The following GAS7 variants were observed in gnomAD, a reference collection of about 807,000 sequenced individuals.
GAS7 encodes the protein growth arrest specific 7, also known as growth arrest-specific protein 7.
GAS7 carries 28 observed loss-of-function variants against 71.1 expected under a neutral mutation model. The observed-to-expected ratio is 0.39, with a 90% CI of 0.29 to 0.54. The LOEUF (loss-of-function observed/expected upper bound fraction) is 0.54. GAS7 is among the 20% of genes least tolerant of loss of function. The probability of loss-of-function intolerance (pLI) is 0.62; values close to 1 mark genes in which losing one functional copy is unlikely to be tolerated. For synonymous variants in GAS7, 258 were observed against 245.8 expected, an observed-to-expected ratio of 1.05 and a Z score of -0.46; for missense variants, 436 against 627.8, an observed-to-expected ratio of 0.69 and a Z score of 3.27.
At chr17:10,072,689 C>A (rs1186768630) in intron 1 of GAS7, among the ~76,000 whole-genome samples, 1 of 152,190 alleles carries the variant, frequency 6.6e-6, no homozygotes, top group Admixed American at 6.5e-5. Context: ...CTACCCCGAT[C>A]CACAGGAGTC....
At chr17:10,027,252 A>ATGAATGAG (rs1239858203) in intron 1 of GAS7, among the ~76,000 whole-genome samples, 1 of 149,300 alleles carries the variant, frequency 6.7e-6, no homozygotes, top group Non-Finnish European at 1.5e-5. Context: ...GAATGAATGA[A>ATGAATGAG]TGAATGAGTG....
chr17:10,167,412 T>C (rs1181901617), intron 1 of GAS7, among the ~76,000 whole-genome samples: 1 of 152,118 alleles, frequency 6.6e-6, no homozygotes, highest in Non-Finnish European at 1.5e-5. Context: ...TTCTCATAGC[T>C]AGAGTAGGAC....
intron 2 of GAS7, among the ~76,000 whole-genome samples, chr17:9,999,383 T>C (rs1361696992): frequency 6.6e-6 from 1 of 152,018 alleles, no homozygotes; most frequent in Non-Finnish European, 1.5e-5. Flanking sequence ...CTGGGTGTGG[T>C]GGTGCATGCC....
chr17:10,075,792 C>T (rs1462863599), intron 1 of GAS7, among the ~76,000 whole-genome samples: 7 of 146,816 alleles, frequency 4.8e-5, no homozygotes, highest in African/African-American at 1.8e-4. Context: ...GAGACCTTAT[C>T]TCAGTTTTAA....
At chr17:10,149,125 C>CA (rs1567610899) in intron 1 of GAS7, among the ~76,000 whole-genome samples, 1 of 152,046 alleles carries the variant, frequency 6.6e-6, no homozygotes, top group African/African-American at 2.4e-5. Context: ...TATTTTGAAA[C>CA]AGAGTCTTGC....
intron 1 of GAS7, among the ~76,000 whole-genome samples, chr17:10,173,605 A>G (rs2074351078): frequency 6.6e-6 from 1 of 152,064 alleles, no homozygotes; most frequent in African/African-American, 2.4e-5. Context: ...CGTCTCTACT[A>G]AAAATACAAA....
chr17:9,982,812 A>G (rs996459014), intron 2 of GAS7, among the ~76,000 whole-genome samples: 51 of 52,952 alleles, frequency 9.6e-4, no homozygotes, highest in African/African-American at 6.9e-3. Flanking sequence ...GAAAGGAAAG[A>G]AAGGAAAGAA....
chr17:10,147,342 G>A (rs557998433), intron 1 of GAS7, among the ~76,000 whole-genome samples: 60 of 152,276 alleles, frequency 3.9e-4, no homozygotes, highest in African/African-American at 1.2e-3. Context: ...AGAGGGTGGC[G>A]TGTATGTGTC....
intron 1 of GAS7, among the ~76,000 whole-genome samples, chr17:10,081,629 C>A (rs906971881): frequency 5.3e-5 from 8 of 152,072 alleles, no homozygotes; most frequent in Non-Finnish European, 1.2e-4. Context: ...GCACAGGAAA[C>A]CCACAAGAGA....
chr17:10,030,947 C>T (rs1478975222), intron 1 of GAS7, among the ~76,000 whole-genome samples: 4 of 152,204 alleles, frequency 2.6e-5, no homozygotes, highest in Non-Finnish European at 5.9e-5. Flanking sequence ...ATGGAGTGTC[C>T]GGCATACTCT....
Position 9,969,614 on chromosome 17 carries a change from A to T in GAS7, c.471+63T>A. ...CCTGGACTCCCATGATGGACTTTGTAATGCAGTTTCCTAGGCCTGCAGAAG... is the reference window on the plus strand; with the variant it reads ...CCTGGACTCCCATGATGGACTTTGTTATGCAGTTTCCTAGGCCTGCAGAAG... On this transcript the variant is annotated intron_variant, in intron 4 of 13. Coordinates refer to ENST00000432992, the MANE Select transcript of GAS7 (RefSeq NM_201433.2). The surrounding 1 kb of genome is among the most constrained non-coding windows in gnomAD (Gnocchi z 5.5). 1 of 983,406 alleles carries T rather than the reference A, an allele frequency of 1.0e-6. No individual in the cohort carries two copies. The highest frequency in any genetic ancestry group is 1.6e-6 in the Non-Finnish European group (1 of 609,196). The allele number at this position is 983,406 out of a possible 1,614,324, so 60.9% of individuals were successfully genotyped here. A position where few individuals can be genotyped will look rare whatever the true frequency, so the allele number is the denominator to read the frequency against.
At chr17:10,075,661 G>A (rs957461018) in intron 1 of GAS7, among the ~76,000 whole-genome samples, 1 of 152,014 alleles carries the variant, frequency 6.6e-6, no homozygotes, top group Non-Finnish European at 1.5e-5. Context: ...TGAGTGTGGT[G>A]GCACACACCT....
Position 9,952,976 on chromosome 17 carries a change from C to T in GAS7, c.526-5993G>A, listed in dbSNP as rs570900135. Among the ~76,000 whole-genome samples the T allele has an allele frequency of 7.9e-5, 12 of 152,136 alleles. 1 individual carries two copies. In the East Asian group the frequency reaches 1.4e-3, roughly 17 times the overall value. The stretch of plus-strand genomic sequence containing the variant: ...ACTAAAAACAGAACTATCATTCGAC[C>T]CAGCAATCCCATTACTGGGTATATA... On this transcript the variant is annotated intron_variant, in intron 5 of 13. Coordinates refer to ENST00000432992, the MANE Select transcript of GAS7 (RefSeq NM_201433.2).
chr17:10,122,558 G>A (rs561683265), intron 1 of GAS7, among the ~76,000 whole-genome samples: 4 of 152,144 alleles, frequency 2.6e-5, no homozygotes, highest in Non-Finnish European at 5.9e-5. Context: ...CTGGCTGACT[G>A]CTGGTTTGAT....
chr17:9,984,388 G>T (rs1257535925), intron 2 of GAS7, among the ~76,000 whole-genome samples: 1 of 152,096 alleles, frequency 6.6e-6, no homozygotes, highest in Non-Finnish European at 1.5e-5. Context: ...GCATAACAGG[G>T]GTAATATGGT....
intron 1 of GAS7, among the ~76,000 whole-genome samples, chr17:10,193,461 G>T (rs947577002): frequency 6.6e-6 from 1 of 151,954 alleles, no homozygotes; most frequent in East Asian, 1.9e-4. Context: ...GATGAACCAC[G>T]CCTCCCTCAT....
At chr17:10,043,643 A>C (rs2072904714) in intron 1 of GAS7, among the ~76,000 whole-genome samples, 1 of 152,248 alleles carries the variant, frequency 6.6e-6, no homozygotes, top group African/African-American at 2.4e-5. Context: ...GGCCGGGCAC[A>C]GTAGCTCACA....
chr17:9,954,335 G>A (rs1439606058), intron 5 of GAS7, among the ~76,000 whole-genome samples: 1 of 152,062 alleles, frequency 6.6e-6, no homozygotes, highest in Non-Finnish European at 1.5e-5. Flanking sequence ...GGACAGCGGG[G>A]GCCACAGAAG....
At chr17:10,064,978 A>G (rs955311652) in intron 1 of GAS7, among the ~76,000 whole-genome samples, 2 of 148,618 alleles carry the variant, frequency 1.3e-5, no homozygotes, top group African/African-American at 5.1e-5. Context: ...GTGCCACCAC[A>G]CCTAGTGAAT....
Sources: gnomAD v4.1 joint callset for allele counts (sites outside exome capture counted in the v4.1 genomes callset) on GRCh38, gnomAD v4.1.1 for gene constraint, Gnocchi (gnomAD v3.1) non-coding constraint, MANE v1.5 for transcripts, NCBI Gene and HGNC (gene_info 2026-07-23, HGNC 2026-07-21) for gene names.